NPR3: variants seen among roughly 807,000 people sequenced by gnomAD.
NPR3 encodes atrial natriuretic peptide receptor 3.
A neutral mutation model predicts 54.5 loss-of-function variants in NPR3; 34 were observed. The observed-to-expected ratio is 0.62, with a 90% confidence interval of 0.47 to 0.83. NPR3 has a LOEUF of 0.83. Among genes scored for constraint, NPR3 ranks in the 40% least tolerant of loss-of-function variants. The pLI is 0.00. For synonymous variants in NPR3, 289 were observed against 297.1 expected, an observed-to-expected ratio of 0.97 and a Z score of 0.28; for missense variants, 674 against 720.8, an observed-to-expected ratio of 0.94 and a Z score of 0.74.
At chr5:32,728,883 T>C (rs1227561593) in intron 2 of NPR3, among the ~76,000 whole-genome samples, 6 of 94,702 alleles carry the variant, frequency 6.3e-5, no homozygotes, top group African/African-American at 2.1e-4. Flanking sequence ...ATATGTAAAA[T>C]GAGACATCTT....
Position 32,711,389 on chromosome 5 carries a change from C to CTT in NPR3, c.-380_-379dup. The CTT allele has an allele frequency of 2.0e-6, 2 of 1,000,882 alleles. No individual in the cohort carries two copies. Among genetic ancestry groups the CTT allele is most frequent in the East Asian group, 1.0e-4 (1 of 9,908 alleles). 62.0% of individuals were successfully genotyped at this position (1,000,882 alleles called of 1,614,324 possible). On this transcript the variant is annotated 5_prime_UTR_variant, in exon 1 of 8. An upstream open reading frame in the 5' UTR loses its in-frame stop. Coordinates refer to ENST00000265074, the MANE Select transcript of NPR3 (RefSeq NM_001204375.2). ...ATTACAAACACTTGGACAAGTCTAA[C>CTT]TTTTTTTTTCTTCTACAAAAACGCT...
chr5:32,781,330 A>G (rs1268056885), intron 5 of NPR3, among the ~76,000 whole-genome samples: 1 of 152,198 alleles, frequency 6.6e-6, no homozygotes, highest in Non-Finnish European at 1.5e-5. Context: ...TCACATGATT[A>G]TTGTTAAGGG....
intron 3 of NPR3, among the ~76,000 whole-genome samples, chr5:32,740,966 A>G (rs1279718692): frequency 2.0e-5 from 3 of 152,040 alleles, no homozygotes; most frequent in Admixed American, 2.0e-4. Flanking sequence ...AACTTCCTTC[A>G]GTAGTGCTGC....
intron 3 of NPR3, among the ~76,000 whole-genome samples, chr5:32,746,477 C>T (rs1228966514): frequency 1.3e-5 from 2 of 152,106 alleles, no homozygotes; most frequent in African/African-American, 4.8e-5. Flanking sequence ...ACGACAACAT[C>T]GTGTATGTCA....
intron 2 of NPR3, among the ~76,000 whole-genome samples, chr5:32,738,146 T>A (rs1245846576): frequency 6.6e-6 from 1 of 152,224 alleles, no homozygotes; most frequent in Non-Finnish European, 1.5e-5. Flanking sequence ...ACTTTCTTTT[T>A]TTAAATTATA....
chr5:32,764,788 CAAAAAAAAAA>C (rs568944478), intron 3 of NPR3, among the ~76,000 whole-genome samples: 14 of 36,498 alleles, frequency 3.8e-4, no homozygotes, highest in African/African-American at 1.4e-3. Context: ...GGGTCCATCT[CAAAAAAAAAA>C]AAAAAAAAAA....
intron 3 of NPR3, among the ~76,000 whole-genome samples, chr5:32,743,261 T>A (rs960568855): frequency 2.6e-5 from 4 of 152,174 alleles, no homozygotes; most frequent in African/African-American, 9.7e-5. Flanking sequence ...ACAGAGAGAT[T>A]CCTTGTATAC....
chr5:32,724,836 C>T lies in NPR3; in HGVS notation c.892+16C>T, dbSNP rs200820724. 1 of 1,613,512 alleles carries T rather than the reference C, an allele frequency of 6.2e-7. No individual in the cohort carries two copies. The highest frequency in any genetic ancestry group is 8.5e-7 in the Non-Finnish European group (1 of 1,179,808). ...TCTTCCTATGGTAACTCTGCTTCCACTTTCCCCTCCTCTGCTAGGGTTCCA... is the reference window on the plus strand; with the variant it reads ...TCTTCCTATGGTAACTCTGCTTCCATTTTCCCCTCCTCTGCTAGGGTTCCA... On this transcript the variant is annotated intron_variant, in intron 2 of 7. Coordinates refer to ENST00000265074, the MANE Select transcript of NPR3 (RefSeq NM_001204375.2).
chr5:32,725,661 T>C (rs1340387764), intron 2 of NPR3, among the ~76,000 whole-genome samples: 1 of 152,228 alleles, frequency 6.6e-6, no homozygotes, highest in Non-Finnish European at 1.5e-5. Context: ...ACTGAATAGG[T>C]GAAGTGTGTC....
In NPR3 at chr5:32,788,424, C is replaced by T. The variant is rs1742744478; in HGVS notation, c.*2079C>T. The T allele has an allele frequency of 6.6e-6, 1 of 152,176 alleles. No individual in the cohort carries two copies. The highest frequency in any genetic ancestry group is 2.1e-4 in the South Asian group (1 of 4,828). The allele number at this position is 152,176 out of a possible 1,614,324, so 9.4% of individuals were successfully genotyped here. A position where few individuals can be genotyped will look rare whatever the true frequency, so the allele number is the denominator to read the frequency against. Reference sequence around the variant, plus strand: ...GGAAGGATTGTGTCCATCTTACTTACTTGAATTGGAGAGCTTGTTTCTCTC... The same window carrying T: ...GGAAGGATTGTGTCCATCTTACTTATTTGAATTGGAGAGCTTGTTTCTCTC... On this transcript the variant is annotated 3_prime_UTR_variant, in exon 8 of 8. Transcript: ENST00000265074.
intron 1 of NPR3, among the ~76,000 whole-genome samples, chr5:32,716,997 CCCCCCCA>C (rs1738591550): frequency 1.9e-5 from 1 of 51,350 alleles, no homozygotes; most frequent in African/African-American, 6.4e-5. Flanking sequence ...CATCCCCCAA[CCCCCCCA>C]CCCCCCACCC....
Position 32,712,223 on chromosome 5 carries a change from C to T in NPR3, c.447C>T (p.His149=). The T allele has an allele frequency of 1.9e-6, 3 of 1,612,792 alleles. No individual in the cohort carries two copies. Among genetic ancestry groups the T allele is most frequent in the African/African-American group, 2.7e-5 (2 of 75,078 alleles). The change falls in exon 1 of 8, where the codon CAC becomes CAT. Residue 149 remains histidine, a synonymous_variant. Transcript: ENST00000265074. ...AAAPVARLAS[H]WDLPMLSAGA... Reference sequence around the variant, plus strand: ...CGCCAGTGGCCCGGCTTGCATCGCACTGGGACCTGCCCATGCTGTCGGCTG... The same window carrying T: ...CGCCAGTGGCCCGGCTTGCATCGCATTGGGACCTGCCCATGCTGTCGGCTG...
intron 1 of NPR3, among the ~76,000 whole-genome samples, chr5:32,714,179 G>A (rs1302006613): frequency 6.6e-6 from 1 of 152,086 alleles, no homozygotes; most frequent in African/African-American, 2.4e-5. Context: ...GGGACTGGGG[G>A]TGTGTCCCCC....
chr5:32,702,462 A>T (rs1474724471), intron 1 of NPR3, among the ~76,000 whole-genome samples: 1 of 122,946 alleles, frequency 8.1e-6, no homozygotes, highest in Non-Finnish European at 1.6e-5. Flanking sequence ...TCCTGTGTCC[A>T]TGTGTTCTCA....
At chr5:32,712,571 C>CG in intron 1 of NPR3, 26 bp downstream of exon 1, 2 of 1,501,234 alleles carry the variant, frequency 1.3e-6, no homozygotes, top group Non-Finnish European at 1.8e-6. Context: ...TCCCGGGCCC[C>CG]GGGCCCTAAC....
chr5:32,706,009 T>TA (rs2111824611), upstream of NPR3, among the ~76,000 whole-genome samples: 1 of 152,300 alleles, frequency 6.6e-6, no homozygotes, highest in East Asian at 1.9e-4. Context: ...TGCTGAATTG[T>TA]AATCCCCAAT....
chr5:32,727,451 T>G (rs1739198001), intron 2 of NPR3, among the ~76,000 whole-genome samples: 1 of 152,230 alleles, frequency 6.6e-6, no homozygotes, highest in African/African-American at 2.4e-5. Context: ...TTGATAGATA[T>G]TGTCCATTTT....
chr5:32,696,338 T>G lies in NPR3; in HGVS notation c.100+7152T>G, dbSNP rs1207687748. ...TATGGATTTGTTTCTGGGTTCTCTA[T>G]TCTGTTACATTGGTCTCTGTGTCTG... On this transcript the variant is annotated intron_variant, in intron 1 of 5. Coordinates refer to the NPR3 transcript ENST00000509104. Among the ~76,000 whole-genome samples the G allele has an allele frequency of 2.0e-5, 3 of 152,226 alleles. No individual in the cohort carries two copies. In the East Asian group the frequency reaches 5.8e-4, roughly 29 times the overall value.
chr5:32,763,925 G>A (rs1741306693), intron 3 of NPR3, among the ~76,000 whole-genome samples: 1 of 152,094 alleles, frequency 6.6e-6, no homozygotes, highest in Admixed American at 6.5e-5. Flanking sequence ...GTCTTTCTTA[G>A]GGTTGCTCTG....
Sources: allele counts gnomAD v4.1 joint callset (sites outside exome capture counted in the v4.1 genomes callset), GRCh38; gene constraint gnomAD v4.1.1; transcripts MANE v1.5; gene names NCBI Gene and HGNC (gene_info 2026-07-23, HGNC 2026-07-21).